The following DNAJC1 variants were observed in gnomAD, a reference collection of about 807,000 sequenced individuals.
DNAJC1 encodes dnaJ homolog subfamily C member 1.
Under a neutral mutation model 76.6 loss-of-function variants are expected in DNAJC1, and 58 were observed. That is an observed-to-expected ratio of 0.76 (90% confidence interval 0.61 to 0.94). DNAJC1 has a LOEUF of 0.94. Among genes scored for constraint, DNAJC1 ranks in the 40% least tolerant of loss-of-function variants. The pLI is 0.00. For synonymous variants in DNAJC1, 258 were observed against 267.9 expected (o/e 0.96, Z 0.36); for missense variants, 689 against 677.3 (o/e 1.02, Z -0.19).
intron 7 of DNAJC1, among the ~76,000 whole-genome samples, chr10:21,890,832 A>G (rs567516393): frequency 1.3e-5 from 2 of 152,206 alleles, no homozygotes; most frequent in Admixed American, 6.5e-5. Context: ...TTGTTACACC[A>G]AGAACCAAGA....
chr10:21,924,008 C>A (rs1837079095), intron 3 of DNAJC1, among the ~76,000 whole-genome samples: 1 of 151,788 alleles, frequency 6.6e-6, no homozygotes, highest in Non-Finnish European at 1.5e-5. Flanking sequence ...TATTACAAAG[C>A]TTGAATTTTT....
intron 1 of DNAJC1, among the ~76,000 whole-genome samples, chr10:21,949,419 T>C (rs1389884875): frequency 8.7e-6 from 1 of 115,478 alleles, no homozygotes; most frequent in East Asian, 3.0e-4. Flanking sequence ...TTCTTTTTTT[T>C]TTTTTTTTTT....
At chr10:21,973,856 A>C (rs1304228203) in intron 1 of DNAJC1, among the ~76,000 whole-genome samples, 1 of 152,036 alleles carries the variant, frequency 6.6e-6, no homozygotes, top group African/African-American at 2.4e-5. Flanking sequence ...TAATCCTAGC[A>C]CTCTGGGAGG....
intron 1 of DNAJC1, among the ~76,000 whole-genome samples, chr10:21,935,018 T>C (rs1474908622): frequency 6.6e-6 from 1 of 152,000 alleles, no homozygotes; most frequent in Non-Finnish European, 1.5e-5. Context: ...CAAAAACCTC[T>C]AGGAAAGTAG....
At chr10:21,876,039 T>A (rs1836182287) in intron 8 of DNAJC1, among the ~76,000 whole-genome samples, 1 of 151,080 alleles carries the variant, frequency 6.6e-6, no homozygotes, top group South Asian at 2.1e-4. Flanking sequence ...AATAATCATC[T>A]AAAAACAAAA....
At chr10:21,977,627 T>C (rs1247785011) in intron 1 of DNAJC1, among the ~76,000 whole-genome samples, 2 of 152,162 alleles carry the variant, frequency 1.3e-5, no homozygotes, top group African/African-American at 4.8e-5. Flanking sequence ...AAAATATACA[T>C]GCCCAGGCGC....
At chr10:21,761,961 G>T (rs1834246240) in intron 10 of DNAJC1, among the ~76,000 whole-genome samples, 1 of 152,142 alleles carries the variant, frequency 6.6e-6, no homozygotes, top group Admixed American at 6.5e-5. Flanking sequence ...AGGCTGGAGT[G>T]AAGGGGCGCG....
chr10:21,775,333 T>G (rs967311733), intron 9 of DNAJC1, among the ~76,000 whole-genome samples: 1 of 4,318 alleles, frequency 2.3e-4, no homozygotes, highest in Non-Finnish European at 1.5e-3. Context: ...GCAAATGGCT[T>G]TTTTTTTTTT....
intron 1 of DNAJC1, among the ~76,000 whole-genome samples, chr10:22,000,203 G>A (rs1838496478): frequency 2.0e-5 from 3 of 152,104 alleles, no homozygotes; most frequent in Admixed American, 6.5e-5. Flanking sequence ...TCCAGAATCT[G>A]ACCATTTTGC....
At chr10:21,962,819 G>A (rs1012295190) in intron 1 of DNAJC1, among the ~76,000 whole-genome samples, 11 of 151,630 alleles carry the variant, frequency 7.3e-5, no homozygotes, top group Non-Finnish European at 1.3e-4. Flanking sequence ...TTTAACAGAT[G>A]AGAAAAAGTA....
intron 8 of DNAJC1, among the ~76,000 whole-genome samples, chr10:21,817,060 T>C (rs968974852): frequency 1.4e-5 from 2 of 143,334 alleles, no homozygotes; most frequent in Admixed American, 1.5e-4. Flanking sequence ...CTCAGGAGGC[T>C]GAGGCAGGAG....
At chr10:21,787,001 A>G (rs1425547664) in intron 9 of DNAJC1, among the ~76,000 whole-genome samples, 3 of 152,194 alleles carry the variant, frequency 2.0e-5, no homozygotes, top group Non-Finnish European at 4.4e-5. Context: ...ATATTCCTAG[A>G]AAAATCTAAT....
chr10:21,965,352 T>C (rs912338699), intron 1 of DNAJC1, among the ~76,000 whole-genome samples: 3 of 152,204 alleles, frequency 2.0e-5, no homozygotes, highest in Non-Finnish European at 4.4e-5. Flanking sequence ...CATATATCCT[T>C]ACCTCAGCTT....
At chr10:21,775,251 G>C (rs1316540632) in intron 9 of DNAJC1, among the ~76,000 whole-genome samples, 1 of 146,594 alleles carries the variant, frequency 6.8e-6, no homozygotes, top group Non-Finnish European at 1.5e-5. Context: ...GTGGTCCAAT[G>C]ATAATATTCA....
chr10:21,919,544 G>A (rs1035565448), intron 5 of DNAJC1, among the ~76,000 whole-genome samples: 4 of 151,878 alleles, frequency 2.6e-5, no homozygotes, highest in Admixed American at 6.6e-5. Context: ...TGATAGGTCC[G>A]TCTAATAGTA....
At chr10:21,886,414 G>C (rs1005718333) in intron 7 of DNAJC1, among the ~76,000 whole-genome samples, 1 of 152,020 alleles carries the variant, frequency 6.6e-6, no homozygotes, top group Non-Finnish European at 1.5e-5. Context: ...CAAACAGCTG[G>C]TATCATTCCT....
chr10:21,942,684 T>C (rs1405823529), intron 1 of DNAJC1, among the ~76,000 whole-genome samples: 2 of 151,204 alleles, frequency 1.3e-5, no homozygotes, highest in Admixed American at 1.3e-4. Context: ...CGTGTGCCAG[T>C]AGTCCCAGCT....
In DNAJC1 at chr10:21,930,951, T is replaced by G. The variant is rs1466033196; in HGVS notation, c.223-1810A>C. 2.6e-5 allele frequency among the ~76,000 whole-genome samples: 4 copies of G among 152,332 alleles called. No homozygotes were observed. The East Asian group carries it at 7.7e-4, about 29-fold the overall frequency. On this transcript the variant is annotated intron_variant, in intron 1 of 11. Transcript: ENST00000376980. ...AGCTATGTATTTTCTATTACAAAAT[T>G]AATACATGTTCACTACAGAACATTT...
intron 8 of DNAJC1, among the ~76,000 whole-genome samples, chr10:21,868,112 A>G (rs1422926415): frequency 7.2e-6 from 1 of 139,486 alleles, no homozygotes; most frequent in Non-Finnish European, 1.5e-5. Flanking sequence ...CAACAACTGG[A>G]AACAATGAAA....
Sources: allele counts gnomAD v4.1 joint callset (sites outside exome capture counted in the v4.1 genomes callset), GRCh38; gene constraint gnomAD v4.1.1; transcripts MANE v1.5; gene names NCBI Gene and HGNC (gene_info 2026-07-23, HGNC 2026-07-21).